Variants in IQCK observed in about 807,000 individuals in gnomAD.
IQCK encodes the protein IQ domain-containing protein K.
IQCK carries 29 observed loss-of-function variants against 28.1 expected under a neutral mutation model. The ratio of observed to expected loss-of-function variants is 1.03; its 90% CI spans 0.77 to 1.41. The LOEUF (loss-of-function observed/expected upper bound fraction) is 1.41. Among genes scored for constraint, IQCK ranks in the 40% most tolerant of loss-of-function variants. The probability of loss-of-function intolerance (pLI) is 0.00; values close to 1 mark genes in which losing one functional copy is unlikely to be tolerated. For synonymous variants in IQCK, 113 were observed against 115.1 expected, an observed-to-expected ratio of 0.98 and a Z score of 0.12; for missense variants, 359 against 314.7, an observed-to-expected ratio of 1.14 and a Z score of -1.07.
chr16:19,854,053 C>G (rs187337848), intron 9 of IQCK, among the ~76,000 whole-genome samples: 2 of 152,374 alleles, frequency 1.3e-5, no homozygotes, highest in Non-Finnish European at 2.9e-5. Flanking sequence ...TAAAGGGATT[C>G]TAAGCCCCAT....
intron 7 of IQCK, among the ~76,000 whole-genome samples, chr16:19,812,373 T>C (rs556375628): frequency 6.6e-6 from 1 of 152,354 alleles, no homozygotes; most frequent in East Asian, 1.9e-4. Flanking sequence ...TAGGTTCTAA[T>C]GACCACTCAA....
intron 1 of IQCK, among the ~76,000 whole-genome samples, chr16:19,725,853 A>C (rs1172689779): frequency 6.6e-6 from 1 of 152,184 alleles, no homozygotes; most frequent in African/African-American, 2.4e-5. Context: ...TTTTGTGATC[A>C]TGTGATGAAG....
chr16:19,767,068 A>T (rs191647589), intron 6 of IQCK, among the ~76,000 whole-genome samples: 1 of 152,280 alleles, frequency 6.6e-6, no homozygotes, highest in African/African-American at 2.4e-5. Context: ...AGGGCATGCA[A>T]CAGGGGGATG....
chr16:19,737,525 C>T (rs1440313509), intron 4 of IQCK, among the ~76,000 whole-genome samples: 1 of 152,118 alleles, frequency 6.6e-6, no homozygotes, highest in Middle Eastern at 3.2e-3. Flanking sequence ...TGTGTCTTTA[C>T]TTGAGGCAGA....
At chr16:19,846,215 T>A (rs1455010388) in intron 9 of IQCK, among the ~76,000 whole-genome samples, 1 of 152,218 alleles carries the variant, frequency 6.6e-6, no homozygotes. Flanking sequence ...TTCCAAGATG[T>A]TGAGAGACTT....
intron 9 of IQCK, among the ~76,000 whole-genome samples, chr16:19,847,195 A>C (rs2141118848): frequency 6.6e-6 from 1 of 152,322 alleles, no homozygotes; most frequent in South Asian, 2.1e-4. Context: ...GCATCTGGCT[A>C]GTGCAAATTT....
chr16:19,857,324 G>C, exon 10 of IQCK: 1 of 377,458 alleles, frequency 2.6e-6, no homozygotes. Flanking sequence ...TTATTTTTGT[G>C]TTAAGAACAG....
intron 6 of IQCK, among the ~76,000 whole-genome samples, chr16:19,785,304 G>T (rs1039053854): frequency 6.6e-6 from 1 of 152,178 alleles, no homozygotes; most frequent in South Asian, 2.1e-4. Context: ...TGTACAGGGT[G>T]CCCCTGGCTA....
chr16:19,740,721 A>G (rs2054821109), intron 4 of IQCK, among the ~76,000 whole-genome samples: 1 of 152,158 alleles, frequency 6.6e-6, no homozygotes, highest in Non-Finnish European at 1.5e-5. Flanking sequence ...CTGTAATGCC[A>G]GCCCTTTGGG....
intron 4 of IQCK, 91 bp downstream of exon 4, chr16:19,735,541 GT>G: frequency 9.2e-7 from 1 of 1,086,614 alleles, no homozygotes; most frequent in Non-Finnish European, 1.4e-6. Context: ...CCATCAGGTT[GT>G]TCTCCAGATG....
At chr16:19,778,872 A>C (rs60973101) in intron 6 of IQCK, among the ~76,000 whole-genome samples, 10,531 of 152,146 alleles carry the variant, frequency 0.069, 1,184 homozygotes, top group African/African-American at 0.23. Context: ...CTTATATGGC[A>C]GAAGGGACTT....
rs1438923237 is a variant in IQCK at position 19,798,432 on chromosome 16, A to G, written c.690+9510A>G. Reference sequence around the variant, plus strand: ...AGTCCATCACAAAAAATATATATATATATATATATATATTTCGGTCACTTA... The same window carrying G: ...AGTCCATCACAAAAAATATATATATGTATATATATATATTTCGGTCACTTA... On this transcript the variant is annotated intron_variant, in intron 7 of 7. Coordinates refer to ENST00000564186, the Ensembl canonical transcript of IQCK. 2.5e-5 allele frequency among the ~76,000 whole-genome samples: 3 copies of G among 119,964 alleles called. No homozygotes were observed. In the East Asian group the frequency reaches 6.0e-4, roughly 24 times the overall value. 78.7% of individuals were successfully genotyped at this position (119,964 alleles called of 152,430 possible). A position where few individuals can be genotyped will look rare whatever the true frequency, so the allele number is the denominator to read the frequency against.
exon 10 of IQCK, chr16:19,858,039 C>A (rs902841155): frequency 4.4e-4 from 68 of 154,200 alleles, no homozygotes; most frequent in African/African-American, 1.4e-3. Context: ...CCTCCCGGGT[C>A]GTTTTCCCCA....
At position 19,821,710 on chromosome 16, in the gene IQCK, A is replaced by T. The variant is rs543764439; in HGVS notation, c.691-5316A>T. 8.5e-5 allele frequency among the ~76,000 whole-genome samples: 13 copies of T among 152,142 alleles called. No homozygotes were observed. The East Asian group carries it at 2.5e-3, about 29-fold the overall frequency. On this transcript the variant is annotated intron_variant, in intron 7 of 7. Coordinates refer to ENST00000564186, the Ensembl canonical transcript of IQCK. Reference sequence around the variant, plus strand: ...CTCCGTCTCAATAAATAAATAAACAAACAAAAACTCATACACAAATGTTCA... The same window carrying T: ...CTCCGTCTCAATAAATAAATAAACATACAAAAACTCATACACAAATGTTCA...
In IQCK at chr16:19,736,693, G is replaced by A. The variant is rs138805519; in HGVS notation, c.474+1243G>A. On this transcript the variant is annotated intron_variant, in intron 4 of 7. Coordinates refer to ENST00000564186, the Ensembl canonical transcript of IQCK. ...TGTGCCAGGCACTTTGCTGAGTGCTGCATCTTCCATTATTGCAGTTGCTCT... is the reference window on the plus strand; with the variant it reads ...TGTGCCAGGCACTTTGCTGAGTGCTACATCTTCCATTATTGCAGTTGCTCT... 3.7e-3 allele frequency among the ~76,000 whole-genome samples: 564 copies of A among 152,262 alleles called. 3 individuals are homozygous for A. The highest frequency in any genetic ancestry group is 0.013 in the African/African-American group (537 of 41,536).
At chr16:19,723,267 G>T (rs192587666) in intron 1 of IQCK, among the ~76,000 whole-genome samples, 1 of 152,018 alleles carries the variant, frequency 6.6e-6, no homozygotes. Flanking sequence ...AAATCTAATC[G>T]CATCATGCTG....
exon 10 of IQCK, chr16:19,857,030 C>G (rs931637519): frequency 7.1e-5 from 12 of 168,412 alleles, no homozygotes; most frequent in African/African-American, 2.9e-4. Context: ...CCAAAGGAGA[C>G]CACTCCTTAA....
intron 2 of IQCK, 136 bp from the exon 3 acceptor site, chr16:19,733,562 A>G: frequency 4.2e-6 from 4 of 944,840 alleles, no homozygotes; most frequent in Non-Finnish European, 6.3e-6. Context: ...GAAGGGAGAC[A>G]AAGATCTGTG....
chr16:19,727,624 G>A (rs1188582319), intron 1 of IQCK, among the ~76,000 whole-genome samples: 2 of 149,838 alleles, frequency 1.3e-5, no homozygotes, highest in African/African-American at 4.9e-5. Flanking sequence ...TTGGATCTAT[G>A]CCATATCTAA....
Sources: allele counts gnomAD v4.1 joint callset (sites outside exome capture counted in the v4.1 genomes callset), GRCh38; gene constraint gnomAD v4.1.1; transcripts MANE v1.5; gene names NCBI Gene and HGNC (gene_info 2026-07-23, HGNC 2026-07-21).